The following DCC variants were observed in gnomAD, a reference collection of about 807,000 sequenced individuals.
DCC encodes netrin receptor DCC.
Under a neutral mutation model 172.5 loss-of-function variants are expected in DCC, and 58 were observed. That is an observed-to-expected ratio of 0.34 (90% confidence interval 0.27 to 0.42). The LOEUF (loss-of-function observed/expected upper bound fraction) is 0.42. Ranked by LOEUF, DCC falls within the 10% of genes least tolerant of loss-of-function variation. The pLI, the probability that DCC is intolerant of heterozygous loss-of-function variation, is 1.00. For synonymous variants in DCC, 709 were observed against 644.5 expected, an observed-to-expected ratio of 1.10 and a Z score of -1.52; for missense variants, 1,740 against 1,791.0, an observed-to-expected ratio of 0.97 and a Z score of 0.51.
At chr18:53,210,145 T>C (rs1005253815) in intron 11 of DCC, among the ~76,000 whole-genome samples, 7 of 152,226 alleles carry the variant, frequency 4.6e-5, no homozygotes, top group African/African-American at 1.7e-4. Flanking sequence ...CCAACACAAA[T>C]GTGTGGCTCT....
intron 1 of DCC, among the ~76,000 whole-genome samples, chr18:52,377,976 A>C (rs966552754): frequency 3.9e-5 from 6 of 152,050 alleles, no homozygotes; most frequent in African/African-American, 1.2e-4. Flanking sequence ...CTAGGATTAT[A>C]GGTATGAGCC....
intron 15 of DCC, among the ~76,000 whole-genome samples, chr18:53,351,377 ATATACAG>A (rs2057801225): frequency 1.5e-5 from 1 of 66,966 alleles, no homozygotes; most frequent in Non-Finnish European, 2.7e-5. Flanking sequence ...CTGTATATAT[ATATACAG>A]TATATATATA....
At chr18:52,933,663 T>G (rs911175583) in intron 5 of DCC, among the ~76,000 whole-genome samples, 1 of 152,084 alleles carries the variant, frequency 6.6e-6, no homozygotes, top group Non-Finnish European at 1.5e-5. Flanking sequence ...TTTCTGATTG[T>G]GGCTTGTGAG....
chr18:52,872,013 AAACTG>A (rs2039328135), intron 2 of DCC, among the ~76,000 whole-genome samples: 1 of 152,142 alleles, frequency 6.6e-6, no homozygotes, highest in East Asian at 1.9e-4. Context: ...CATAGTGCCA[AAACTG>A]TAGGGCCAAG....
At chr18:52,900,277 G>A (rs755338972) in intron 2 of DCC, among the ~76,000 whole-genome samples, 9 of 152,132 alleles carry the variant, frequency 5.9e-5, no homozygotes, top group Non-Finnish European at 8.8e-5. Flanking sequence ...TTGGGGTTAC[G>A]GCTGCTTAAC....
chr18:53,124,098 T>C (rs2043520869), intron 7 of DCC, among the ~76,000 whole-genome samples: 1 of 152,072 alleles, frequency 6.6e-6, no homozygotes, highest in Non-Finnish European at 1.5e-5. Flanking sequence ...CTTCATGAGA[T>C]TGGTTAGTAT....
intron 25 of DCC, among the ~76,000 whole-genome samples, chr18:53,469,722 T>C (rs1048472249): frequency 1.3e-5 from 2 of 152,156 alleles, no homozygotes; most frequent in Non-Finnish European, 2.9e-5. Context: ...TAACTCCTGT[T>C]TTATAACACT....
chr18:52,558,960 C>T (rs765982251), intron 1 of DCC, among the ~76,000 whole-genome samples: 7 of 152,130 alleles, frequency 4.6e-5, no homozygotes, highest in Admixed American at 1.3e-4. Context: ...AGTTTGCTTA[C>T]GGTTATCTCA....
intron 8 of DCC, among the ~76,000 whole-genome samples, chr18:53,160,433 C>A (rs1376637013): frequency 6.6e-6 from 1 of 152,174 alleles, no homozygotes; most frequent in Non-Finnish European, 1.5e-5. Context: ...AGTTCCATGG[C>A]CAGTAAACAC....
chr18:53,441,160 C>A (rs1242369815), intron 22 of DCC, among the ~76,000 whole-genome samples: 2 of 152,160 alleles, frequency 1.3e-5, no homozygotes, highest in African/African-American at 4.8e-5. Context: ...GATTAGCATA[C>A]CCTGTAGGTT....
chr18:52,814,255 T>C (rs1289655521), intron 2 of DCC, among the ~76,000 whole-genome samples: 1 of 152,268 alleles, frequency 6.6e-6, no homozygotes. Flanking sequence ...AAACAAAATA[T>C]TGGGAGCCAG....
chr18:52,765,199 A>ATTTTTTTTTTTTTTTTTTTTTTTTTTT lies in DCC; in HGVS notation c.412+12825_412+12826insTTTTTTTTTTTTTTTTTTTTTTTTTTT, dbSNP rs369735420. On this transcript the variant is annotated intron_variant, in intron 2 of 28. Transcript: ENST00000442544. ...CAGGCATGTGCTAGCACTCCTGGCT[A>ATTTTTTTTTTTTTTTTTTTTTTTTTTT]ATTTTTTTTTTTTTTTTTTGTATTT... Among the ~76,000 whole-genome samples, 2 of 120,116 alleles carry ATTTTTTTTTTTTTTTTTTTTTTTTTTT rather than the reference A, an allele frequency of 1.7e-5. 1 individual carries two copies. 78.8% of individuals were successfully genotyped at this position (120,116 alleles called of 152,430 possible).
At position 53,499,403 on chromosome 18, in the gene DCC, G is replaced by C; in HGVS notation, c.4004G>C (p.Cys1335Ser). The C allele has an allele frequency of 6.2e-7, 1 of 1,614,064 alleles. No individual in the cohort carries two copies. The highest frequency in any genetic ancestry group is 8.5e-7 in the Non-Finnish European group (1 of 1,180,006). Reference sequence around the variant, plus strand: ...CCAAGCAGAACCATCCCCACAGCTTGTGTTCGACCAACTCACCCACTCCGC... The same window carrying C: ...CCAAGCAGAACCATCCCCACAGCTTCTGTTCGACCAACTCACCCACTCCGC... ...EAPSRTIPTA[C>S]VRPTHPLRSF... Residue 1335 changes from cysteine (C) to serine (S), a missense_variant, in exon 27 of 29, where the codon TGT (cysteine) becomes TCT (serine). Transcript: ENST00000442544.
At chr18:53,275,216 A>G (rs2056791490) in intron 12 of DCC, among the ~76,000 whole-genome samples, 1 of 152,092 alleles carries the variant, frequency 6.6e-6, no homozygotes, top group African/African-American at 2.4e-5. Flanking sequence ...ACTATTAGAG[A>G]ACAACATATA....
At chr18:53,433,876 GATATA>G (rs1349359757) in intron 21 of DCC, among the ~76,000 whole-genome samples, 9 of 152,254 alleles carry the variant, frequency 5.9e-5, no homozygotes, top group African/African-American at 1.9e-4. Flanking sequence ...TTATGCTGAA[GATATA>G]ATATAAGGTG....
intron 2 of DCC, among the ~76,000 whole-genome samples, chr18:52,831,702 C>G (rs1473167313): frequency 6.6e-6 from 1 of 152,120 alleles, no homozygotes; most frequent in East Asian, 1.9e-4. Flanking sequence ...ATTTATTGAT[C>G]TATCCATAGT....
At chr18:52,895,238 T>C (rs574607660) in intron 2 of DCC, among the ~76,000 whole-genome samples, 4 of 152,356 alleles carry the variant, frequency 2.6e-5, no homozygotes, top group African/African-American at 9.6e-5. Flanking sequence ...CAATCAACTT[T>C]TATGAGCATT....
intron 1 of DCC, among the ~76,000 whole-genome samples, chr18:52,396,092 A>C (rs11874302): frequency 0.095 from 14,443 of 151,958 alleles, 880 homozygotes; most frequent in South Asian, 0.16. Flanking sequence ...GCAAACACTA[A>C]TACTGACGCT....
rs1223667780 is a variant in DCC, at chr18:52,399,516, A to G, written c.91+58638A>G. 2.0e-5 allele frequency among the ~76,000 whole-genome samples: 3 copies of G among 151,834 alleles called. No individual in the cohort carries two copies. The East Asian group carries it at 5.8e-4, about 30-fold the overall frequency. The stretch of plus-strand genomic sequence containing the variant: ...TTCTCCTTATTCTTCATCCTACCAC[A>G]TCCTTTATGATCCAGTGTTGCTGAT... On this transcript the variant is annotated intron_variant, in intron 1 of 28. Coordinates refer to ENST00000442544, the MANE Select transcript of DCC (RefSeq NM_005215.4).
Sources: gnomAD v4.1 joint callset for allele counts (sites outside exome capture counted in the v4.1 genomes callset) on GRCh38, gnomAD v4.1.1 for gene constraint, MANE v1.5 for transcripts, NCBI Gene and HGNC (gene_info 2026-07-23, HGNC 2026-07-21) for gene names.